Variants in PTPRM observed in about 807,000 individuals in gnomAD.
PTPRM encodes protein tyrosine phosphatase receptor type M.
In PTPRM, 47 loss-of-function variants were observed where a neutral mutation model predicts 186.7. That is an observed-to-expected ratio of 0.25 (90% CI 0.20 to 0.32). The LOEUF is 0.32. PTPRM is among the 10% of genes least tolerant of loss of function. The pLI is 1.00. For missense variants in PTPRM, 1,494 were observed against 1,865.0 expected (o/e 0.80, Z 3.66); for synonymous variants, 668 against 674.9 (o/e 0.99, Z 0.16).
At chr18:7,994,105 A>G (rs2083406641) in intron 7 of PTPRM, among the ~76,000 whole-genome samples, 1 of 152,124 alleles carries the variant, frequency 6.6e-6, no homozygotes, top group Non-Finnish European at 1.5e-5. Context: ...ATATAGATTG[A>G]AAGTGAAGAG....
intron 2 of PTPRM, among the ~76,000 whole-genome samples, chr18:7,870,947 T>C (rs1008424816): frequency 6.6e-6 from 1 of 152,244 alleles, no homozygotes; most frequent in Non-Finnish European, 1.5e-5. Context: ...GTATCTGACC[T>C]GTTTGTGTGC....
chr18:8,159,868 A>C (rs2093195556), intron 14 of PTPRM, among the ~76,000 whole-genome samples: 1 of 152,192 alleles, frequency 6.6e-6, no homozygotes, highest in African/African-American at 2.4e-5. Flanking sequence ...TTTTAAAAAA[A>C]AAATTTCAGG....
At chr18:7,711,417 A>T (rs2040210932) in intron 1 of PTPRM, among the ~76,000 whole-genome samples, 2 of 152,198 alleles carry the variant, frequency 1.3e-5, no homozygotes, top group African/African-American at 4.8e-5. Context: ...ATTTGGGCAG[A>T]CACCGAGCTA....
chr18:8,404,587 A>C (rs1175426845), intron 32 of PTPRM: 4 of 152,222 alleles, frequency 2.6e-5, no homozygotes, highest in Non-Finnish European at 2.9e-5. Flanking sequence ...AGAAAAGGAA[A>C]TTTCAGTGAC....
chr18:7,915,299 A>G (rs758136592), intron 4 of PTPRM, among the ~76,000 whole-genome samples: 14 of 152,184 alleles, frequency 9.2e-5, no homozygotes, highest in Admixed American at 1.3e-4. Flanking sequence ...GAAAGCTGGC[A>G]TAGCATTTTG....
At chr18:8,008,781 G>T (rs968139242) in intron 7 of PTPRM, among the ~76,000 whole-genome samples, 19 of 152,144 alleles carry the variant, frequency 1.2e-4, no homozygotes, top group African/African-American at 4.6e-4. Context: ...GATCCACACT[G>T]ACCTCGCTCC....
rs536005492 is a variant in PTPRM, at chr18:7,731,245, T to C, written c.74-42904T>C. 1.2e-4 allele frequency among the ~76,000 whole-genome samples: 19 copies of C among 152,334 alleles called. No homozygotes were observed. In the South Asian group the frequency reaches 3.3e-3, roughly 27 times the overall value. On this transcript the variant is annotated intron_variant, in intron 1 of 32. Transcript: ENST00000580170. ...TCCAGTAAATTCCTTTCAAAGACTTTATGGTCCTTAATTTTCCCCCAAGTT... is the reference window on the plus strand; with the variant it reads ...TCCAGTAAATTCCTTTCAAAGACTTCATGGTCCTTAATTTTCCCCCAAGTT...
intron 1 of PTPRM, among the ~76,000 whole-genome samples, chr18:7,647,082 T>C (rs1269959815): frequency 6.6e-6 from 1 of 152,192 alleles, no homozygotes; most frequent in Non-Finnish European, 1.5e-5. Context: ...CACGTAACAG[T>C]GATACCGGGG....
At chr18:7,582,833 G>A (rs1175287372) in intron 1 of PTPRM, among the ~76,000 whole-genome samples, 1 of 152,210 alleles carries the variant, frequency 6.6e-6, no homozygotes, top group Admixed American at 6.5e-5. Flanking sequence ...GTTTACTTCA[G>A]AGATCAAATA....
intron 3 of PTPRM, among the ~76,000 whole-genome samples, chr18:7,895,079 C>T (rs2049282794): frequency 1.3e-5 from 2 of 152,062 alleles, no homozygotes; most frequent in African/African-American, 2.4e-5. Context: ...AGTAAAAGAA[C>T]ATACACTTTG....
intron 14 of PTPRM, among the ~76,000 whole-genome samples, chr18:8,206,547 C>T (rs1010904672): frequency 6.6e-6 from 1 of 152,092 alleles, no homozygotes; most frequent in Non-Finnish European, 1.5e-5. Flanking sequence ...CGCGCCTGGC[C>T]CTGAATGTTT....
chr18:7,792,330 C>T (rs2043381050), intron 2 of PTPRM, among the ~76,000 whole-genome samples: 1 of 152,088 alleles, frequency 6.6e-6, no homozygotes, highest in African/African-American at 2.4e-5. Context: ...ATTTTAGAGG[C>T]ATGTAAAGAC....
At chr18:8,034,793 A>G (rs909573534) in intron 7 of PTPRM, among the ~76,000 whole-genome samples, 3 of 152,210 alleles carry the variant, frequency 2.0e-5, no homozygotes, top group African/African-American at 7.2e-5. Flanking sequence ...GAATTCCGGA[A>G]GTCTAACAGC....
At chr18:7,872,695 G>A (rs1051594554) in intron 2 of PTPRM, among the ~76,000 whole-genome samples, 3 of 152,184 alleles carry the variant, frequency 2.0e-5, no homozygotes, top group African/African-American at 7.2e-5. Context: ...CCTGTGGAGG[G>A]CACTCTGTGG....
intron 7 of PTPRM, among the ~76,000 whole-genome samples, chr18:8,057,262 A>G (rs1754991168): frequency 6.6e-6 from 1 of 151,918 alleles, no homozygotes; most frequent in Admixed American, 6.6e-5. Context: ...AAATGTTAAC[A>G]TTTGATATTA....
At chr18:7,666,083 G>T (rs1298570806) in intron 1 of PTPRM, among the ~76,000 whole-genome samples, 1 of 152,084 alleles carries the variant, frequency 6.6e-6, no homozygotes, top group Non-Finnish European at 1.5e-5. Context: ...AAGACATATC[G>T]TTAGAATACA....
At chr18:8,372,364 G>A (rs1012086805) in intron 24 of PTPRM, among the ~76,000 whole-genome samples, 4 of 152,082 alleles carry the variant, frequency 2.6e-5, no homozygotes, top group East Asian at 1.9e-4. Context: ...GTGAGCCACC[G>A]CGCCCGGCCT....
intron 2 of PTPRM, among the ~76,000 whole-genome samples, chr18:7,783,447 G>C (rs548308371): frequency 6.6e-6 from 1 of 152,280 alleles, no homozygotes; most frequent in Non-Finnish European, 1.5e-5. Context: ...GGGGTTAGTG[G>C]GTAGAGATGG....
intron 7 of PTPRM, among the ~76,000 whole-genome samples, chr18:8,004,240 C>T (rs1159200793): frequency 6.6e-6 from 1 of 152,046 alleles, no homozygotes; most frequent in East Asian, 1.9e-4. Flanking sequence ...TTGAGAGGGG[C>T]ATGTTGGATA....
Sources: allele counts gnomAD v4.1 joint callset (sites outside exome capture counted in the v4.1 genomes callset), GRCh38; gene constraint gnomAD v4.1.1; transcripts MANE v1.5; gene names NCBI Gene and HGNC (gene_info 2026-07-23, HGNC 2026-07-21).